Variants in PRMT8 observed in about 807,000 individuals in gnomAD.
PRMT8 encodes protein arginine N-methyltransferase 8.
In PRMT8, 7 loss-of-function variants were observed where a neutral mutation model predicts 47.1. The observed-to-expected ratio is 0.15, with a 90% CI of 0.08 to 0.28. PRMT8 has a LOEUF of 0.28. Among genes scored for constraint, PRMT8 ranks in the 10% least tolerant of loss-of-function variants. The probability of loss-of-function intolerance (pLI) is 1.00; values close to 1 mark genes in which losing one functional copy is unlikely to be tolerated. For missense variants in PRMT8, 237 were observed against 505.4 expected, an observed-to-expected ratio of 0.47 and a Z score of 5.09; for synonymous variants, 188 against 186.5, an observed-to-expected ratio of 1.01 and a Z score of -0.07.
intron 1 of PRMT8, among the ~76,000 whole-genome samples, chr12:3,457,497 C>T (rs561268233): frequency 1.6e-4 from 25 of 151,880 alleles, no homozygotes; most frequent in Non-Finnish European, 2.9e-4. Context: ...TTTGTAGAGA[C>T]GGGGTCTCCC....
chr12:3,434,867 C>T (rs1305153108), intron 1 of PRMT8, among the ~76,000 whole-genome samples: 2 of 148,078 alleles, frequency 1.4e-5, no homozygotes, highest in Admixed American at 6.6e-5. Flanking sequence ...GTTCCCAACA[C>T]AATGCTTGAC....
intron 1 of PRMT8, among the ~76,000 whole-genome samples, chr12:3,464,279 AAAAC>A (rs1341093784): frequency 6.6e-6 from 1 of 151,674 alleles, no homozygotes; most frequent in African/African-American, 2.4e-5. Context: ...GTAAAAAAAA[AAAAC>A]AAACTGCACA....
chr12:3,513,226 C>T (rs954669702), intron 1 of PRMT8, among the ~76,000 whole-genome samples: 6 of 152,124 alleles, frequency 3.9e-5, no homozygotes, highest in Admixed American at 1.3e-4. Context: ...TGTTCAATCC[C>T]CCATCATCAC....
chr12:3,558,658 T>C (rs74056228), intron 4 of PRMT8, among the ~76,000 whole-genome samples: 6,654 of 152,286 alleles, frequency 0.044, 230 homozygotes, highest in African/African-American at 0.087. Flanking sequence ...GCCAGTGTTT[T>C]GTAGGATGTC....
chr12:3,397,565 C>G lies in PRMT8; in HGVS notation c.48+16123C>G, dbSNP rs551385738. 5.7e-4 allele frequency among the ~76,000 whole-genome samples: 87 copies of G among 151,550 alleles called. 1 individual carries two copies. In the East Asian group the frequency reaches 0.011, roughly 19 times the overall value. ...GACCCACTTGAGGAGGCAGTCTGCC[C>G]GTTCTCAGATCTCCAGCTGCGTGCT... On this transcript the variant is annotated intron_variant, in intron 1 of 9. Transcript: ENST00000452611.
intron 1 of PRMT8, among the ~76,000 whole-genome samples, chr12:3,449,686 T>C (rs1392418390): frequency 6.6e-6 from 1 of 152,234 alleles, no homozygotes; most frequent in Non-Finnish European, 1.5e-5. Context: ...TTATGAGATC[T>C]GTTCACTCTG....
chr12:3,489,335 A>C (rs1375163405), upstream of PRMT8, among the ~76,000 whole-genome samples: 1 of 151,946 alleles, frequency 6.6e-6, no homozygotes, highest in African/African-American at 2.4e-5. Flanking sequence ...CACAGAAGGC[A>C]TGCACAAGCA....
intron 4 of PRMT8, among the ~76,000 whole-genome samples, chr12:3,558,903 G>A (rs922812497): frequency 7.9e-5 from 12 of 152,086 alleles, no homozygotes; most frequent in African/African-American, 2.9e-4. Flanking sequence ...GAGGTACTTT[G>A]AGAGCATGTA....
rs953463142 is a variant in PRMT8 at position 3,535,311 on chromosome 12, T to C, written c.76-5295T>C. ...GGTAGACTAAGACAATCGCACTTTATTTATTAGGGAGAAAAACTGTGCTGA... is the reference window on the plus strand; with the variant it reads ...GGTAGACTAAGACAATCGCACTTTACTTATTAGGGAGAAAAACTGTGCTGA... On this transcript the variant is annotated intron_variant, in intron 1 of 9. Coordinates refer to ENST00000382622, the MANE Select transcript of PRMT8 (RefSeq NM_019854.5). The surrounding 1 kb of genome is among the most constrained non-coding windows in gnomAD (Gnocchi z 4.7). 1.3e-5 allele frequency among the ~76,000 whole-genome samples: 2 copies of C among 152,292 alleles called. No homozygotes were observed.
At chr12:3,406,307 G>A (rs1864372346) in intron 1 of PRMT8, among the ~76,000 whole-genome samples, 1 of 152,258 alleles carries the variant, frequency 6.6e-6, no homozygotes, top group Non-Finnish European at 1.5e-5. Flanking sequence ...GGCCTGTGAT[G>A]GGAGGGGCTG....
intron 1 of PRMT8, among the ~76,000 whole-genome samples, chr12:3,416,709 G>C (rs1864486884): frequency 6.6e-6 from 1 of 152,182 alleles, no homozygotes. Context: ...GAAAGACTTA[G>C]GACCCTGAGT....
chr12:3,553,535 G>C, intron 3 of PRMT8, 116 bp from the exon 4 acceptor site: 3 of 872,784 alleles, frequency 3.4e-6, no homozygotes, highest in Non-Finnish European at 3.8e-6. Context: ...TTGTGATGCA[G>C]CCGTGGGCAA....
intron 1 of PRMT8, among the ~76,000 whole-genome samples, chr12:3,428,891 C>T (rs1864639958): frequency 7.0e-6 from 1 of 143,250 alleles, no homozygotes; most frequent in Admixed American, 7.0e-5. Flanking sequence ...ACTCTCTCCG[C>T]CTGTCTCTCT....
chr12:3,463,010 CTG>C (rs1865056733), intron 1 of PRMT8: 2 of 150,286 alleles, frequency 1.3e-5, no homozygotes, highest in African/African-American at 5.0e-5. Flanking sequence ...TGTATAGAAA[CTG>C]TGAAATTGGC....
intron 8 of PRMT8, among the ~76,000 whole-genome samples, chr12:3,584,451 G>A (rs1020669962): frequency 1.3e-5 from 2 of 152,178 alleles, no homozygotes; most frequent in East Asian, 3.9e-4. Flanking sequence ...CAGCTCAGGG[G>A]TTACCTGATC....
intron 1 of PRMT8, among the ~76,000 whole-genome samples, chr12:3,427,374 A>G (rs1201894832): frequency 6.6e-6 from 1 of 152,174 alleles, no homozygotes; most frequent in Non-Finnish European, 1.5e-5. Flanking sequence ...TTTTTATTTT[A>G]AAGTTCAGTT....
At chr12:3,448,078 C>T (rs569937034) in intron 1 of PRMT8, among the ~76,000 whole-genome samples, 1 of 152,198 alleles carries the variant, frequency 6.6e-6, no homozygotes, top group Admixed American at 6.5e-5. Flanking sequence ...CTCACTTTAT[C>T]CTTTAACTCC....
intron 1 of PRMT8, among the ~76,000 whole-genome samples, chr12:3,438,657 C>T (rs1486648797): frequency 6.6e-6 from 1 of 152,228 alleles, no homozygotes. Flanking sequence ...ATTAGGACCC[C>T]TCCGTCCATT....
At chr12:3,487,433 G>T (rs1308129052), upstream of PRMT8, among the ~76,000 whole-genome samples, 1 of 152,296 alleles carries the variant, frequency 6.6e-6, no homozygotes, top group East Asian at 1.9e-4. Flanking sequence ...GGCCCCTGGA[G>T]ATGAAGTATG....
Sources: gnomAD v4.1 joint callset for allele counts (sites outside exome capture counted in the v4.1 genomes callset) on GRCh38, gnomAD v4.1.1 for gene constraint, Gnocchi (gnomAD v3.1) non-coding constraint, MANE v1.5 for transcripts, NCBI Gene and HGNC (gene_info 2026-07-23, HGNC 2026-07-21) for gene names.